The following SI variants were observed in gnomAD, a reference collection of about 807,000 sequenced individuals.
SI encodes the protein sucrase-isomaltase, intestinal.
In SI, 235 loss-of-function variants were observed where a neutral mutation model predicts 253.3. The observed-to-expected ratio is 0.93, with a 90% confidence interval of 0.83 to 1.03. The LOEUF is 1.03. SI is among the 50% of genes least tolerant of loss of function. SI has a pLI of 0.00. For missense variants in SI, 2,442 were observed against 2,211.1 expected (o/e 1.10, Z -2.09); for synonymous variants, 819 against 712.0 (o/e 1.15, Z -2.39).
At chr3:165,015,270 A>C (rs1009531040) in intron 32 of SI, 37 bp from the exon 33 acceptor site, 1 of 1,413,088 alleles carries the variant, frequency 7.1e-7, no homozygotes, top group South Asian at 1.2e-5. Context: ...GGTACACATG[A>C]AAAAAGCGTA....
chr3:165,006,811 C>T lies in SI; in HGVS notation c.4406+5G>A, dbSNP rs755381077. ...TCAGAGAGGATAATTCAGAACATTG[C>T]TTACTCATGAGTAGGTTTCATCTGT... On this transcript the variant is annotated splice_donor_5th_base_variant and intron_variant, in intron 37 of 47. Transcript: ENST00000264382. The T allele has an allele frequency of 2.5e-6, 4 of 1,611,096 alleles. No homozygotes were observed. The highest frequency in any genetic ancestry group is 4.5e-5 in the East Asian group (2 of 44,652).
chr3:165,049,059 TGATA>T, intron 15 of SI, 64 bp downstream of exon 15: 1 of 922,928 alleles, frequency 1.1e-6, no homozygotes, highest in East Asian at 2.4e-5. Flanking sequence ...ATGAATACAT[TGATA>T]AATTATCAAA....
rs1343370231 is a variant in SI, at chr3:165,051,062, C to A, written c.1513-1187G>T. ...TTTTTAAACACATGTAATGGTGAATCATTTGTATTGTAGTCATTTGTTTCA... is the reference window on the plus strand; with the variant it reads ...TTTTTAAACACATGTAATGGTGAATAATTTGTATTGTAGTCATTTGTTTCA... On this transcript the variant is annotated intron_variant, in intron 13 of 47. Coordinates refer to ENST00000264382, the MANE Select transcript of SI (RefSeq NM_001041.4). 3.9e-5 allele frequency among the ~76,000 whole-genome samples: 6 copies of A among 152,088 alleles called. No homozygotes were observed. The East Asian group carries it at 1.2e-3, about 29-fold the overall frequency.
At chr3:165,040,071 G>A (rs1159614792) in intron 18 of SI, 100 bp from the exon 19 acceptor site, 1 of 912,674 alleles carries the variant, frequency 1.1e-6, no homozygotes. Flanking sequence ...GGGAATTGTT[G>A]TTATCTTGAA....
rs1216505167 is a variant in SI, at chr3:165,041,020, G to A, written c.2079C>T (p.Tyr693=). The A allele has an allele frequency of 2.5e-6, 4 of 1,612,216 alleles. No homozygotes were observed. The highest frequency in any genetic ancestry group is 2.5e-6 in the Non-Finnish European group (3 of 1,178,792). Residue 693 remains tyrosine (Y), a synonymous_variant, in exon 18 of 48, where the codon TAC becomes TAT. Transcript: ENST00000264382. ...GAGTGTAGAGGAAGGGTAATAAGGT[G>A]TAGCGAATAGTTAAATACTGCCTTG... ...KSSRQYLTIR[Y]TLLPFLYTLF... is the part of the protein sequence containing the mutation.
intron 47 of SI, among the ~76,000 whole-genome samples, chr3:164,981,638 C>A (rs913594206): frequency 1.3e-5 from 2 of 152,072 alleles, no homozygotes; most frequent in Admixed American, 6.6e-5. Flanking sequence ...TTGAAATTCA[C>A]CTTTGCAAGC....
intron 18 of SI, 132 bp downstream of exon 18, chr3:165,040,808 A>G: frequency 1.4e-6 from 1 of 693,024 alleles, no homozygotes; most frequent in Admixed American, 2.3e-5. Context: ...AGCTCTTCAA[A>G]TCATTTACAC....
chr3:164,999,526 T>G (rs1718167999), intron 37 of SI, among the ~76,000 whole-genome samples: 2 of 151,664 alleles, frequency 1.3e-5, no homozygotes, highest in Non-Finnish European at 3.0e-5. Flanking sequence ...GCTACAGAAC[T>G]ATCTTAGAAG....
In SI at chr3:165,049,133, G is replaced by A. The variant is rs1328502518; in HGVS notation, c.1709C>T (p.Thr570Ile). Residue 570 changes from threonine (T) to isoleucine (I), a missense_variant, in exon 15 of 48, where the codon ACA becomes ATA. Thr to Ile is a moderately conservative substitution (Grantham distance 89). Coordinates refer to ENST00000264382, the MANE Select transcript of SI (RefSeq NM_001041.4). Reference sequence around the variant, plus strand: ...TGAATGAAATTGCACTTACTGCTCTGTGGCTATAGCCATGCTGTATCCATA... The same window carrying A: ...TGAATGAAATTGCACTTACTGCTCTATGGCTATAGCCATGCTGTATCCATA... ...SLYGYSMAIATEQAVQKVFPN... is the reference protein window; with the variant it reads ...SLYGYSMAIAIEQAVQKVFPN... 1 of 1,542,336 alleles carries A rather than the reference G, an allele frequency of 6.5e-7. No individual in the cohort carries two copies. Among genetic ancestry groups the A allele is most frequent in the Non-Finnish European group, 9.0e-7 (1 of 1,114,598 alleles).
At chr3:165,013,104 G>T in intron 33 of SI, 62 bp from the exon 34 acceptor site, 1 of 1,006,054 alleles carries the variant, frequency 9.9e-7, no homozygotes, top group Non-Finnish European at 1.6e-6. Flanking sequence ...TGATTGCTAT[G>T]TAGATGAAGT....
upstream of SI, among the ~76,000 whole-genome samples, chr3:165,083,460 G>A (rs1206185940): frequency 6.6e-6 from 1 of 151,870 alleles, no homozygotes; most frequent in Non-Finnish European, 1.5e-5. Context: ...AAAGTTAGAA[G>A]GCTCATAAGA....
At chr3:165,045,532 T>C (rs1418139739) in intron 16 of SI, among the ~76,000 whole-genome samples, 1 of 152,002 alleles carries the variant, frequency 6.6e-6, no homozygotes, top group East Asian at 1.9e-4. Flanking sequence ...GCCACCTTTG[T>C]ATTTTAAAAT....
chr3:165,026,950 G>A (rs1229502183), intron 25 of SI, among the ~76,000 whole-genome samples: 2 of 151,142 alleles, frequency 1.3e-5, no homozygotes, highest in African/African-American at 2.4e-5. Context: ...AAACTCAGAA[G>A]AAGAAAGGAA....
At chr3:165,052,674 C>A (rs975492107) in intron 13 of SI, among the ~76,000 whole-genome samples, 1 of 151,574 alleles carries the variant, frequency 6.6e-6, no homozygotes, top group Non-Finnish European at 1.5e-5. Flanking sequence ...AAAAAAAAAT[C>A]GTCAACTTTG....
chr3:165,040,626 G>A (rs1371036841), intron 18 of SI, among the ~76,000 whole-genome samples: 1 of 151,778 alleles, frequency 6.6e-6, no homozygotes, highest in African/African-American at 2.4e-5. Context: ...TCTATATTTA[G>A]TTTATACTTT....
At chr3:165,077,049 C>T (rs1715038836) in intron 1 of SI, among the ~76,000 whole-genome samples, 2 of 147,570 alleles carry the variant, frequency 1.4e-5, no homozygotes, top group South Asian at 4.2e-4. Context: ...ACCCAGTTGT[C>T]CCAACCTAAA....
chr3:164,982,855 T>A, intron 46 of SI, 147 bp downstream of exon 46: 1 of 654,056 alleles, frequency 1.5e-6, no homozygotes, highest in Non-Finnish European at 2.6e-6. Flanking sequence ...CCCATTATGT[T>A]GCCCAGACAG....
At chr3:165,074,991 A>C (rs1256673962) in intron 2 of SI, among the ~76,000 whole-genome samples, 3 of 152,008 alleles carry the variant, frequency 2.0e-5, no homozygotes, top group Admixed American at 2.0e-4. Flanking sequence ...TGTATTTTAT[A>C]GCTGAAGAAA....
At chr3:165,014,312 G>T (rs534697878) in intron 33 of SI, among the ~76,000 whole-genome samples, 1 of 151,968 alleles carries the variant, frequency 6.6e-6, no homozygotes, top group South Asian at 2.1e-4. Context: ...TCAGTGGCTC[G>T]ATCTTGGCTC....
Sources: allele counts gnomAD v4.1 joint callset (sites outside exome capture counted in the v4.1 genomes callset), GRCh38; gene constraint gnomAD v4.1.1; transcripts MANE v1.5; gene names NCBI Gene and HGNC (gene_info 2026-07-23, HGNC 2026-07-21).